Variants in TBPL1 observed in about 807,000 individuals in gnomAD.
TBPL1 encodes TATA box-binding protein-like 1.
In TBPL1, 4 loss-of-function variants were observed where a neutral mutation model predicts 22.1. That is an observed-to-expected ratio of 0.18 (90% CI 0.09 to 0.41). The LOEUF (loss-of-function observed/expected upper bound fraction) is 0.41, where lower values mean the gene tolerates loss of function less well. Among genes scored for constraint, TBPL1 ranks in the 10% least tolerant of loss-of-function variants. The pLI is 1.00. For synonymous variants in TBPL1, 64 were observed against 71.0 expected, an observed-to-expected ratio of 0.90 and a Z score of 0.50; for missense variants, 115 against 222.3, an observed-to-expected ratio of 0.52 and a Z score of 3.07.
At chr6:133,959,320 A>G (rs1053204957) in intron 1 of TBPL1, among the ~76,000 whole-genome samples, 1 of 152,100 alleles carries the variant, frequency 6.6e-6, no homozygotes, top group Non-Finnish European at 1.5e-5. Context: ...GATTATGGGC[A>G]ATGGGCACGA....
At position 133,959,545 on chromosome 6, in the gene TBPL1, G is replaced by A. The variant is rs137919254; in HGVS notation, c.-45+6120G>A. Among the ~76,000 whole-genome samples the A allele has an allele frequency of 8.6e-3, 1,309 of 151,904 alleles. 37 individuals carry two copies. The highest frequency in any genetic ancestry group is 0.062 in the Admixed American group (950 of 15,246). ...CGCCCAGGCTGGAGTGCAGTGGCGCGATCTCGGCTCACTGCAACCTCCATC... is the reference window on the plus strand; with the variant it reads ...CGCCCAGGCTGGAGTGCAGTGGCGCAATCTCGGCTCACTGCAACCTCCATC... On this transcript the variant is annotated intron_variant, in intron 1 of 6. Transcript: ENST00000237264.
chr6:133,973,841 G>A (rs182086940), intron 1 of TBPL1, among the ~76,000 whole-genome samples: 1 of 152,154 alleles, frequency 6.6e-6, no homozygotes, highest in African/African-American at 2.4e-5. Context: ...TGAGAAACAG[G>A]ACAAAACACC....
intron 1 of TBPL1, among the ~76,000 whole-genome samples, chr6:133,958,065 G>T (rs1452082318): frequency 6.6e-6 from 1 of 152,180 alleles, no homozygotes; most frequent in Non-Finnish European, 1.5e-5. Flanking sequence ...TGTCACACAG[G>T]CATCTGGTTA....
chr6:133,969,831 TTGA>T (rs1452169091), intron 1 of TBPL1, among the ~76,000 whole-genome samples: 2 of 152,232 alleles, frequency 1.3e-5, no homozygotes, highest in Non-Finnish European at 2.9e-5. Flanking sequence ...GAGTTCAGAA[TTGA>T]TGATAATTTA....
chr6:133,977,760 A>C (rs1776339373), intron 1 of TBPL1, among the ~76,000 whole-genome samples: 1 of 150,198 alleles, frequency 6.7e-6, no homozygotes, highest in African/African-American at 2.5e-5. Context: ...AGGGATAATA[A>C]GGAGATTCAC....
upstream of TBPL1, chr6:133,953,179 C>A (rs113696984): frequency 0.078 from 11,927 of 152,744 alleles, 451 homozygotes; most frequent in Admixed American, 0.085. Context: ...TCTCTATGCT[C>A]CCCAGCGTCT....
Position 133,973,839 on chromosome 6 carries a change from A to G in TBPL1, c.-44-6243A>G, listed in dbSNP as rs188314176. ...ACACTAAGCCATTTCCTTGAGAAACAGGACAAAACACCTGATCAAGCTATG... is the reference window on the plus strand; with the variant it reads ...ACACTAAGCCATTTCCTTGAGAAACGGGACAAAACACCTGATCAAGCTATG... On this transcript the variant is annotated intron_variant, in intron 1 of 6. Coordinates refer to ENST00000237264, the MANE Select transcript of TBPL1 (RefSeq NM_004865.4). 4.3e-4 allele frequency among the ~76,000 whole-genome samples: 66 copies of G among 152,298 alleles called. 1 individual carries two copies. The highest frequency in any genetic ancestry group is 1.9e-3 in the Admixed American group (29 of 15,304).
intron 1 of TBPL1, among the ~76,000 whole-genome samples, chr6:133,978,049 A>G (rs960604114): frequency 2.6e-5 from 4 of 152,170 alleles, no homozygotes; most frequent in African/African-American, 9.6e-5. Flanking sequence ...GGAGGCTGAC[A>G]TCTATAGTAT....
In TBPL1 at chr6:133,953,687, C is replaced by T. The variant is rs925585521; in HGVS notation, c.-45+262C>T. ...GATAACGGGTTGGGGGTGGGGCGTC[C>T]GTACCTGGGAGCGTTACCGAGCCTG... On this transcript the variant is annotated intron_variant, in intron 1 of 6. Coordinates refer to ENST00000237264, the MANE Select transcript of TBPL1 (RefSeq NM_004865.4). 3.9e-5 allele frequency among the ~76,000 whole-genome samples: 6 copies of T among 152,134 alleles called. No homozygotes were observed. The East Asian group carries it at 1.2e-3, about 30-fold the overall frequency.
chr6:133,968,163 AT>A (rs1776153827), intron 1 of TBPL1, among the ~76,000 whole-genome samples: 1 of 151,860 alleles, frequency 6.6e-6, no homozygotes. Context: ...TAATTTTTGT[AT>A]TTTTAGTAGG....
chr6:133,966,002 A>T (rs749825066), intron 1 of TBPL1, among the ~76,000 whole-genome samples: 2 of 152,204 alleles, frequency 1.3e-5, no homozygotes, highest in Non-Finnish European at 2.9e-5. Context: ...CCACAGTCAT[A>T]TGGCTAATAA....
At chr6:133,977,634 T>G (rs951114291) in intron 1 of TBPL1, among the ~76,000 whole-genome samples, 1 of 152,226 alleles carries the variant, frequency 6.6e-6, no homozygotes, top group Non-Finnish European at 1.5e-5. Flanking sequence ...TTGTGGTAGC[T>G]TATCCTCAAG....
intron 1 of TBPL1, among the ~76,000 whole-genome samples, chr6:133,970,466 G>T (rs1369612403): frequency 2.0e-5 from 3 of 152,098 alleles, no homozygotes; most frequent in African/African-American, 7.2e-5. Flanking sequence ...ACCCCATGTT[G>T]TCTTAATATA....
chr6:133,986,036 C>A (rs1345152246), intron 6 of TBPL1: 3 of 152,126 alleles, frequency 2.0e-5, no homozygotes. Context: ...AAACTGAAGA[C>A]AATTCACCTG....
chr6:133,980,371 C>A, intron 2 of TBPL1, 111 bp downstream of exon 2: 1 of 1,246,170 alleles, frequency 8.0e-7, no homozygotes, highest in Non-Finnish European at 1.1e-6. Context: ...TTACCATGTG[C>A]TGGTTGTCCT....
intron 1 of TBPL1, among the ~76,000 whole-genome samples, chr6:133,971,522 A>C (rs144201979): frequency 6.6e-6 from 1 of 152,136 alleles, no homozygotes; most frequent in East Asian, 1.9e-4. Context: ...TGAGTTTACT[A>C]TCCTACCAAC....
At chr6:133,958,412 G>T (rs540346571) in intron 1 of TBPL1, among the ~76,000 whole-genome samples, 1 of 152,212 alleles carries the variant, frequency 6.6e-6, no homozygotes, top group African/African-American at 2.4e-5. Flanking sequence ...TGTAATTTTA[G>T]AAGTAGCTAA....
At chr6:133,969,431 A>G (rs1583817242) in intron 1 of TBPL1, among the ~76,000 whole-genome samples, 1 of 152,174 alleles carries the variant, frequency 6.6e-6, no homozygotes, top group African/African-American at 2.4e-5. Flanking sequence ...CAGACTGAAT[A>G]TCTAGATTGA....
At chr6:133,977,813 C>T (rs969445060) in intron 1 of TBPL1, among the ~76,000 whole-genome samples, 39 of 152,206 alleles carry the variant, frequency 2.6e-4, no homozygotes, top group African/African-American at 8.9e-4. Flanking sequence ...GTTCTACCAT[C>T]CTCATCCTCA....
Sources: allele counts gnomAD v4.1 joint callset (sites outside exome capture counted in the v4.1 genomes callset), GRCh38; gene constraint gnomAD v4.1.1; transcripts MANE v1.5; gene names NCBI Gene and HGNC (gene_info 2026-07-23, HGNC 2026-07-21).